The following LRRC7 variants were observed in gnomAD, a reference collection of about 807,000 sequenced individuals.
The protein encoded by LRRC7 is leucine rich repeat containing 7.
In LRRC7, 23 loss-of-function variants were observed where a neutral mutation model predicts 175.7. The observed-to-expected ratio is 0.13, with a 90% confidence interval of 0.09 to 0.19. The LOEUF is 0.19. Among genes scored for constraint, LRRC7 ranks in the 10% least tolerant of loss-of-function variants. The pLI is 1.00. For missense variants in LRRC7, 1,354 were observed against 1,904.7 expected (o/e 0.71, Z 5.38); for synonymous variants, 685 against 680.9 (o/e 1.01, Z -0.09).
chr1:70,103,119 C>T (rs765183622), intron 25 of LRRC7, among the ~76,000 whole-genome samples: 10 of 151,708 alleles, frequency 6.6e-5, no homozygotes, highest in African/African-American at 1.2e-4. Flanking sequence ...GTCACAGCTA[C>T]GCAGGAGGCT....
At chr1:70,063,166 G>C (rs1661708890) in intron 23 of LRRC7, among the ~76,000 whole-genome samples, 1 of 152,042 alleles carries the variant, frequency 6.6e-6, no homozygotes, top group Non-Finnish European at 1.5e-5. Flanking sequence ...AGCCAAAAAT[G>C]TCTGTCAAAA....
At chr1:70,054,791 C>T (rs1331652617) in intron 23 of LRRC7, among the ~76,000 whole-genome samples, 1 of 151,324 alleles carries the variant, frequency 6.6e-6, no homozygotes, top group Non-Finnish European at 1.5e-5. Flanking sequence ...AGGGTTTCAC[C>T]GTGTTAGCCA....
intron 1 of LRRC7, among the ~76,000 whole-genome samples, chr1:69,644,735 T>A (rs145248921): frequency 1.3e-5 from 2 of 151,976 alleles, no homozygotes; most frequent in East Asian, 3.9e-4. Context: ...GACACAAAAA[T>A]CTTTGACAAA....
At position 70,135,236 on chromosome 1, in the gene LRRC7, G is replaced by C. The variant is rs1036935852; in HGVS notation, c.*13349G>C. 2.0e-5 allele frequency among the ~76,000 whole-genome samples: 3 copies of C among 152,070 alleles called. No homozygotes were observed. Among genetic ancestry groups the C allele is most frequent in the Non-Finnish European group, 4.4e-5 (3 of 68,014 alleles). On this transcript the variant is annotated 3_prime_UTR_variant, in exon 27 of 27. Transcript: ENST00000651989. ...ATTCCTAGGAGCAACCTCTAGGTCA[G>C]TGCTTGCTATCCAGCCACTAGCATA...
chr1:69,781,871 A>AGGAT (rs1489310106), intron 3 of LRRC7, among the ~76,000 whole-genome samples: 20 of 142,792 alleles, frequency 1.4e-4, no homozygotes, highest in Non-Finnish European at 2.8e-4. Flanking sequence ...GAAGGAAGGA[A>AGGAT]GGAAGAAAGA....
intron 1 of LRRC7, among the ~76,000 whole-genome samples, chr1:69,624,433 A>G (rs1467724344): frequency 6.6e-6 from 1 of 152,042 alleles, no homozygotes; most frequent in East Asian, 1.9e-4. Context: ...TTCTATATTG[A>G]TTATTTGCAA....
At chr1:69,658,975 A>G (rs962019303) in intron 1 of LRRC7, among the ~76,000 whole-genome samples, 2 of 152,072 alleles carry the variant, frequency 1.3e-5, no homozygotes, top group Non-Finnish European at 2.9e-5. Flanking sequence ...AGCATAGAAA[A>G]GGAGAGGTTA....
chr1:70,021,319 G>C, intron 16 of LRRC7, 190 bp downstream of exon 16: 1 of 455,926 alleles, frequency 2.2e-6, no homozygotes, highest in African/African-American at 2.0e-5. Context: ...TCCCAAATCT[G>C]AGTGAGCAAA....
At chr1:69,623,186 A>T (rs1043924274) in intron 1 of LRRC7, among the ~76,000 whole-genome samples, 10 of 152,192 alleles carry the variant, frequency 6.6e-5, no homozygotes, top group African/African-American at 2.4e-4. Flanking sequence ...GGAAACTCCA[A>T]CTCCAACCAC....
At chr1:69,717,780 AAGAAAGAAAG>A (rs1665571355) in intron 2 of LRRC7, among the ~76,000 whole-genome samples, 1 of 24,318 alleles carries the variant, frequency 4.1e-5, no homozygotes, top group Non-Finnish European at 7.8e-5. Context: ...AAAAGAAAGA[AAGAAAGAAAG>A]AAAGAAAGAA....
chr1:69,796,373 T>A (rs1675766511), intron 4 of LRRC7, among the ~76,000 whole-genome samples: 1 of 152,020 alleles, frequency 6.6e-6, no homozygotes, highest in Non-Finnish European at 1.5e-5. Flanking sequence ...TCCAAATGCA[T>A]CAAGCTGGTT....
intron 4 of LRRC7, among the ~76,000 whole-genome samples, chr1:69,801,803 A>G (rs1332467318): frequency 6.7e-6 from 1 of 148,280 alleles, no homozygotes; most frequent in African/African-American, 2.5e-5. Context: ...TGAGACTGGA[A>G]GTTAGTCTGT....
intron 4 of LRRC7, among the ~76,000 whole-genome samples, chr1:69,816,172 T>A (rs966563802): frequency 2.6e-5 from 4 of 151,896 alleles, no homozygotes; most frequent in African/African-American, 9.7e-5. Context: ...CAGACGGGGT[T>A]TCACCATGTT....
chr1:69,957,450 C>T (rs773096983), intron 8 of LRRC7, among the ~76,000 whole-genome samples: 1 of 151,804 alleles, frequency 6.6e-6, no homozygotes, highest in Non-Finnish European at 1.5e-5. Context: ...CACTTGACAG[C>T]TTAACTTCTC....
At chr1:69,685,879 C>A (rs1661079518) in intron 2 of LRRC7, among the ~76,000 whole-genome samples, 1 of 150,292 alleles carries the variant, frequency 6.7e-6, no homozygotes. Context: ...GAAGCTGGGT[C>A]AACTCCAAAG....
At chr1:69,568,863 G>C (rs1173197426) in intron 1 of LRRC7, among the ~76,000 whole-genome samples, 1 of 152,212 alleles carries the variant, frequency 6.6e-6, no homozygotes, top group African/African-American at 2.4e-5. Context: ...AACTGGGCGG[G>C]TGCATGGGAG....
intron 2 of LRRC7, among the ~76,000 whole-genome samples, chr1:69,746,866 A>G (rs1050055426): frequency 2.0e-5 from 3 of 152,252 alleles, no homozygotes; most frequent in East Asian, 1.9e-4. Flanking sequence ...ACAGAAATTC[A>G]TTATCTCACA....
chr1:69,610,616 T>C (rs1341130261), intron 1 of LRRC7, among the ~76,000 whole-genome samples: 1 of 152,008 alleles, frequency 6.6e-6, no homozygotes, highest in Non-Finnish European at 1.5e-5. Context: ...TGTGGAAAAA[T>C]AAATATTTTT....
At chr1:69,912,642 T>G (rs1191695204) in intron 7 of LRRC7, among the ~76,000 whole-genome samples, 2 of 152,190 alleles carry the variant, frequency 1.3e-5, no homozygotes, top group Non-Finnish European at 2.9e-5. Flanking sequence ...GATTATATCT[T>G]TGCTGTGTAA....
Sources: allele counts gnomAD v4.1 joint callset (sites outside exome capture counted in the v4.1 genomes callset), GRCh38; gene constraint gnomAD v4.1.1; transcripts MANE v1.5; gene names NCBI Gene and HGNC (gene_info 2026-07-23, HGNC 2026-07-21).